MME: variants seen among roughly 807,000 people sequenced by gnomAD.
MME encodes membrane metalloendopeptidase.
In MME, 98 loss-of-function variants were observed where a neutral mutation model predicts 113.2. The ratio of observed to expected loss-of-function variants is 0.87; its 90% CI spans 0.74 to 1.02. The LOEUF (loss-of-function observed/expected upper bound fraction) is 1.02. MME is among the 50% of genes least tolerant of loss of function. The probability of loss-of-function intolerance (pLI) is 0.00; values close to 1 mark genes in which losing one functional copy is unlikely to be tolerated. For synonymous variants in MME, 292 were observed against 300.6 expected (o/e 0.97, Z 0.30); for missense variants, 836 against 896.0 (o/e 0.93, Z 0.86).
At chr3:155,074,461 T>C (rs2108146960) in intron 1 of MME, among the ~76,000 whole-genome samples, 1 of 152,126 alleles carries the variant, frequency 6.6e-6, no homozygotes, top group Non-Finnish European at 1.5e-5. Flanking sequence ...AGACAGAGTC[T>C]CACTCTGTCA....
At chr3:155,167,451 T>A (rs1723185712) in intron 18 of MME, among the ~76,000 whole-genome samples, 1 of 152,106 alleles carries the variant, frequency 6.6e-6, no homozygotes, top group Non-Finnish European at 1.5e-5. Flanking sequence ...ACCTTTTTTT[T>A]TTCGTCTTGT....
chr3:155,115,879 G>A lies in MME; in HGVS notation c.359-600G>A, dbSNP rs557286708. ...TCCCAGCACAGGTATATTCTAACCT[G>A]GCTAAGACTGTCTCCCTGAGAAGTT... On this transcript the variant is annotated intron_variant, in intron 4 of 22. Transcript: ENST00000360490. Among the ~76,000 whole-genome samples the A allele has an allele frequency of 3.9e-5, 6 of 152,290 alleles. No homozygotes were observed. The East Asian group carries it at 1.2e-3, about 29-fold the overall frequency.
At chr3:155,061,669 T>C (rs1358094553) in intron 1 of MME, among the ~76,000 whole-genome samples, 3 of 150,372 alleles carry the variant, frequency 2.0e-5, no homozygotes, top group Non-Finnish European at 4.5e-5. Flanking sequence ...AGGTTTTTTT[T>C]TTTTTTTTTT....
chr3:155,137,180 T>C (rs1720699600), intron 8 of MME, among the ~76,000 whole-genome samples: 1 of 152,196 alleles, frequency 6.6e-6, no homozygotes, highest in Admixed American at 6.5e-5. Context: ...AACTAATATC[T>C]AAATCTATGG....
intron 1 of MME, among the ~76,000 whole-genome samples, chr3:155,026,601 T>A (rs1054042948): frequency 4.6e-5 from 7 of 151,992 alleles, no homozygotes; most frequent in Admixed American, 6.6e-5. Flanking sequence ...GCGCGTGCCT[T>A]TCATCCCAGC....
At chr3:155,072,167 CAAA>C (rs71155031) in intron 1 of MME, among the ~76,000 whole-genome samples, 2 of 65,074 alleles carry the variant, frequency 3.1e-5, no homozygotes, top group African/African-American at 7.1e-5. Context: ...GACTCCGTCT[CAAA>C]AAAAAAAAAA....
At chr3:155,029,659 G>C (rs1377380137) in intron 1 of MME, among the ~76,000 whole-genome samples, 1 of 151,730 alleles carries the variant, frequency 6.6e-6, no homozygotes, top group Non-Finnish European at 1.5e-5. Context: ...AGTAGACCCT[G>C]GCAAAATGTA....
chr3:155,098,283 C>T (rs1716909237), intron 3 of MME, among the ~76,000 whole-genome samples: 1 of 152,040 alleles, frequency 6.6e-6, no homozygotes, highest in Admixed American at 6.6e-5. Flanking sequence ...TGGCTGGGCG[C>T]AGTGGCTCAC....
At chr3:155,065,701 CTT>C (rs921643227) in intron 1 of MME, among the ~76,000 whole-genome samples, 2 of 152,164 alleles carry the variant, frequency 1.3e-5, no homozygotes, top group African/African-American at 4.8e-5. Flanking sequence ...AGTGAGATGA[CTT>C]ATGCTCATGT....
At chr3:155,041,206 T>A (rs1289219792) in intron 1 of MME, among the ~76,000 whole-genome samples, 1 of 152,180 alleles carries the variant, frequency 6.6e-6, no homozygotes, top group Non-Finnish European at 1.5e-5. Context: ...GTCTGGTCCA[T>A]GTCACCATGT....
upstream of MME, chr3:155,079,738 G>A (rs1479288706): frequency 6.6e-6 from 1 of 152,394 alleles, no homozygotes; most frequent in African/African-American, 2.4e-5. Context: ...CCTGGCGCGG[G>A]ATCTGCTGAG....
chr3:155,063,802 G>A (rs1269325340), intron 1 of MME, among the ~76,000 whole-genome samples: 2 of 148,960 alleles, frequency 1.3e-5, no homozygotes, highest in East Asian at 2.0e-4. Context: ...GGGGAAGAAA[G>A]GGTTTATATG....
At chr3:155,149,820 C>T (rs1721792227) in intron 16 of MME, among the ~76,000 whole-genome samples, 1 of 152,106 alleles carries the variant, frequency 6.6e-6, no homozygotes. Flanking sequence ...ACTGACGTGT[C>T]CTGAAAGAGA....
chr3:155,050,794 G>T (rs888211072), intron 1 of MME, among the ~76,000 whole-genome samples: 3 of 152,022 alleles, frequency 2.0e-5, no homozygotes, highest in Non-Finnish European at 4.4e-5. Context: ...TGTTTACTCT[G>T]TTAATAGTTT....
At chr3:155,116,804 T>C (rs1204693510) in intron 6 of MME, 45 bp downstream of exon 6, 1 of 1,566,686 alleles carries the variant, frequency 6.4e-7, no homozygotes, top group Non-Finnish European at 8.8e-7. Flanking sequence ...ATGTAAAATC[T>C]ATGTTATAAT....
chr3:155,062,821 A>G (rs1193619422), intron 1 of MME, among the ~76,000 whole-genome samples: 1 of 151,938 alleles, frequency 6.6e-6, no homozygotes, highest in East Asian at 1.9e-4. Context: ...ACGGATCACA[A>G]GGTCAGGAGT....
At chr3:155,037,643 G>T (rs532756535) in intron 1 of MME, among the ~76,000 whole-genome samples, 3 of 152,184 alleles carry the variant, frequency 2.0e-5, no homozygotes, top group African/African-American at 7.2e-5. Flanking sequence ...AGGCTGTAAA[G>T]AAGCAATGAG....
chr3:155,090,707 T>C (rs767974291), intron 3 of MME, among the ~76,000 whole-genome samples: 2 of 152,194 alleles, frequency 1.3e-5, no homozygotes, highest in Non-Finnish European at 2.9e-5. Context: ...ATTTAATATA[T>C]TGGACTGTAG....
chr3:155,134,566 G>A (rs1049532944), intron 8 of MME, among the ~76,000 whole-genome samples: 20 of 152,144 alleles, frequency 1.3e-4, no homozygotes, highest in African/African-American at 3.4e-4. Context: ...TTGATTCTAC[G>A]TTTTTGCTAT....
Sources: allele counts gnomAD v4.1 joint callset (sites outside exome capture counted in the v4.1 genomes callset), GRCh38; gene constraint gnomAD v4.1.1; transcripts MANE v1.5; gene names NCBI Gene and HGNC (gene_info 2026-07-23, HGNC 2026-07-21).